Variants in KCNIP4 observed in about 807,000 individuals in gnomAD.
KCNIP4 encodes Kv channel-interacting protein 4.
Under a neutral mutation model 34.0 loss-of-function variants are expected in KCNIP4, and 12 were observed. The ratio of observed to expected loss-of-function variants is 0.35; its 90% CI spans 0.23 to 0.57. KCNIP4 has a LOEUF of 0.57. Ranked by LOEUF, KCNIP4 falls within the 20% of genes least tolerant of loss-of-function variation. The pLI is 0.83. For missense variants in KCNIP4, 238 were observed against 311.7 expected (o/e 0.76, Z 1.78); for synonymous variants, 124 against 102.2 (o/e 1.21, Z -1.29).
At chr4:21,011,354 T>C (rs934800427) in intron 1 of KCNIP4, among the ~76,000 whole-genome samples, 1 of 152,194 alleles carries the variant, frequency 6.6e-6, no homozygotes, top group Non-Finnish European at 1.5e-5. Context: ...GTCATAAGAG[T>C]AACACTTCTC....
intron 1 of KCNIP4, among the ~76,000 whole-genome samples, chr4:20,917,606 A>AT (rs1035423613): frequency 6.6e-6 from 1 of 152,062 alleles, no homozygotes; most frequent in Non-Finnish European, 1.5e-5. Context: ...TTGAGAAAAA[A>AT]TTTTTTTTAA....
chr4:21,384,494 C>T (rs2322958), intron 1 of KCNIP4, among the ~76,000 whole-genome samples: 128,150 of 152,208 alleles, frequency 0.84, 54,309 homozygotes, highest in Non-Finnish European at 0.89. Context: ...GATTTTGAAC[C>T]ATTCCTAGAA....
At chr4:21,036,492 G>A (rs1163860045) in intron 1 of KCNIP4, among the ~76,000 whole-genome samples, 1 of 152,190 alleles carries the variant, frequency 6.6e-6, no homozygotes, top group Admixed American at 6.6e-5. Context: ...ATAAGTGCAG[G>A]TTTATTTTGC....
intron 1 of KCNIP4, among the ~76,000 whole-genome samples, chr4:21,550,063 T>C (rs548499860): frequency 1.8e-4 from 27 of 152,246 alleles, no homozygotes; most frequent in African/African-American, 5.8e-4. Context: ...CTGATTTAAA[T>C]TCGTGCTGTT....
At chr4:20,839,476 A>C (rs1178910635) in intron 3 of KCNIP4, among the ~76,000 whole-genome samples, 2 of 135,922 alleles carry the variant, frequency 1.5e-5, no homozygotes, top group African/African-American at 5.4e-5. Context: ...TATATTGTAT[A>C]CCATGTATAT....
At chr4:20,829,954 TC>T (rs1718221261) in intron 3 of KCNIP4, among the ~76,000 whole-genome samples, 2 of 152,070 alleles carry the variant, frequency 1.3e-5, no homozygotes, top group African/African-American at 4.8e-5. Context: ...ATAGCTCTCT[TC>T]GGATGTCTAA....
At chr4:21,742,710 C>G (rs1716498281) in intron 1 of KCNIP4, among the ~76,000 whole-genome samples, 1 of 152,090 alleles carries the variant, frequency 6.6e-6, no homozygotes, top group African/African-American at 2.4e-5. Context: ...AAGACTTAGT[C>G]TCACTTCTCA....
At chr4:21,798,007 A>T (rs573601547) in intron 1 of KCNIP4, among the ~76,000 whole-genome samples, 6 of 152,198 alleles carry the variant, frequency 3.9e-5, no homozygotes, top group Non-Finnish European at 8.8e-5. Context: ...TTATACGAGG[A>T]GTATTTTCAG....
chr4:21,923,506 A>G (rs1729060771), intron 1 of KCNIP4, among the ~76,000 whole-genome samples: 1 of 152,138 alleles, frequency 6.6e-6, no homozygotes, highest in Non-Finnish European at 1.5e-5. Context: ...GCTTGAATCC[A>G]GGAGGTAGAG....
In KCNIP4 at chr4:21,124,053, A is replaced by C. The variant is rs958948127; in HGVS notation, c.62-241344T>G. 3.3e-5 allele frequency among the ~76,000 whole-genome samples: 5 copies of C among 150,892 alleles called. 1 individual carries two copies. Among genetic ancestry groups the C allele is most frequent in the South Asian group, 2.1e-4 (1 of 4,784 alleles). Reference sequence around the variant, plus strand: ...AAAACAAAAAAACAACAAAAAAAAAACAACAAAAAAAACCTATATTTTCTT... The same window carrying C: ...AAAACAAAAAAACAACAAAAAAAAACCAACAAAAAAAACCTATATTTTCTT... On this transcript the variant is annotated intron_variant, in intron 1 of 8. Coordinates refer to ENST00000382152, the MANE Select transcript of KCNIP4 (RefSeq NM_025221.6).
intron 1 of KCNIP4, among the ~76,000 whole-genome samples, chr4:21,813,335 CA>C (rs1721777292): frequency 6.6e-6 from 1 of 152,062 alleles, no homozygotes; most frequent in Non-Finnish European, 1.5e-5. Context: ...ATAGTATTAA[CA>C]ACACAAATTA....
intron 1 of KCNIP4, among the ~76,000 whole-genome samples, chr4:21,143,702 A>C (rs1752142245): frequency 7.2e-6 from 1 of 138,672 alleles, no homozygotes; most frequent in Admixed American, 7.1e-5. Flanking sequence ...CACAGCCATC[A>C]CAGTTTCTTT....
intron 1 of KCNIP4, among the ~76,000 whole-genome samples, chr4:21,588,923 G>C (rs938473856): frequency 6.6e-6 from 1 of 151,270 alleles, no homozygotes; most frequent in East Asian, 1.9e-4. Flanking sequence ...CAGCAGGCCT[G>C]GTAGAACTAA....
chr4:21,368,520 C>A (rs1365378583), intron 1 of KCNIP4, among the ~76,000 whole-genome samples: 1 of 147,066 alleles, frequency 6.8e-6, no homozygotes, highest in Non-Finnish European at 1.5e-5. Flanking sequence ...AATTATTAGT[C>A]CAATATTATC....
intron 1 of KCNIP4, among the ~76,000 whole-genome samples, chr4:20,946,488 T>C (rs1036609860): frequency 3.3e-5 from 5 of 152,162 alleles, no homozygotes; most frequent in African/African-American, 1.2e-4. Flanking sequence ...TGTGTACACT[T>C]AGGAATGCGG....
intron 3 of KCNIP4, among the ~76,000 whole-genome samples, chr4:20,849,625 T>C (rs1450656176): frequency 7.2e-6 from 1 of 138,698 alleles, no homozygotes; most frequent in Non-Finnish European, 1.6e-5. Context: ...CTGGGGTTCT[T>C]AGGGGCTGGG....
chr4:21,819,798 T>G (rs2109286368), intron 1 of KCNIP4, among the ~76,000 whole-genome samples: 1 of 152,252 alleles, frequency 6.6e-6, no homozygotes, highest in South Asian at 2.1e-4. Flanking sequence ...TATCCTTCGT[T>G]CAAATTTGTA....
intron 1 of KCNIP4, among the ~76,000 whole-genome samples, chr4:21,071,083 G>T (rs1199147707): frequency 6.6e-6 from 1 of 151,904 alleles, no homozygotes; most frequent in Non-Finnish European, 1.5e-5. Flanking sequence ...TCTCAACAGG[G>T]ATTTCAAAGA....
At chr4:21,615,014 C>A (rs988264961) in intron 1 of KCNIP4, among the ~76,000 whole-genome samples, 3 of 152,004 alleles carry the variant, frequency 2.0e-5, no homozygotes, top group African/African-American at 7.3e-5. Flanking sequence ...CTGTCTTTTT[C>A]TGAGTGTGGT....
Sources: gnomAD v4.1 joint callset for allele counts (sites outside exome capture counted in the v4.1 genomes callset) on GRCh38, gnomAD v4.1.1 for gene constraint, MANE v1.5 for transcripts, NCBI Gene and HGNC (gene_info 2026-07-23, HGNC 2026-07-21) for gene names.